The following RBFOX1 variants were observed in gnomAD, a reference collection of about 807,000 sequenced individuals.
RBFOX1 encodes RNA binding fox-1 homolog 1.
In RBFOX1, 8 loss-of-function variants were observed where a neutral mutation model predicts 57.7. That is an observed-to-expected ratio of 0.14 (90% CI 0.08 to 0.25). The LOEUF (loss-of-function observed/expected upper bound fraction) is 0.25. Ranked by LOEUF, RBFOX1 falls within the 10% of genes least tolerant of loss-of-function variation. The probability of loss-of-function intolerance (pLI) is 1.00; values close to 1 mark genes in which losing one functional copy is unlikely to be tolerated. For synonymous variants in RBFOX1, 326 were observed against 222.4 expected (o/e 1.47, Z -4.15); for missense variants, 611 against 548.5 (o/e 1.11, Z -1.14).
chr16:6,619,826 A>G lies in RBFOX1; in HGVS notation c.-63-34777A>G, dbSNP rs111749136. Among the ~76,000 whole-genome samples the G allele has an allele frequency of 2.0e-3, 302 of 151,582 alleles. 1 individual carries two copies. The highest frequency in any genetic ancestry group is 7.1e-3 in the African/African-American group (293 of 41,284). On this transcript the variant is annotated intron_variant, in intron 2 of 15. Transcript: ENST00000550418. ...CATCCAGATGGTAATCCTAGTACCCATTAGTTATTTTTCCTGATTGTCTCC... is the reference window on the plus strand; with the variant it reads ...CATCCAGATGGTAATCCTAGTACCCGTTAGTTATTTTTCCTGATTGTCTCC...
rs568918266 is a variant in RBFOX1 at position 6,909,860 on chromosome 16, C to T, written c.-15-142197C>T. ...TGGGGGTGTCTGCTCGGACCACCCTCGTGTGACTGAATTTGCCTGCATATC... is the reference window on the plus strand; with the variant it reads ...TGGGGGTGTCTGCTCGGACCACCCTTGTGTGACTGAATTTGCCTGCATATC... On this transcript the variant is annotated intron_variant, in intron 3 of 15. Coordinates refer to ENST00000550418, the MANE Select transcript of RBFOX1 (RefSeq NM_018723.4). 7.2e-5 allele frequency among the ~76,000 whole-genome samples: 11 copies of T among 152,188 alleles called. No individual in the cohort carries two copies. The South Asian group carries it at 1.5e-3, about 20-fold the overall frequency.
chr16:6,131,213 G>A (rs937415217), intron 1 of RBFOX1, among the ~76,000 whole-genome samples: 11 of 152,150 alleles, frequency 7.2e-5, no homozygotes, highest in Non-Finnish European at 1.0e-4. Context: ...GTGTTTGATC[G>A]GAGTGTTAGT....
chr16:5,553,744 T>A (rs1441005268), intron 2 of RBFOX1, among the ~76,000 whole-genome samples: 1 of 138,720 alleles, frequency 7.2e-6, no homozygotes, highest in East Asian at 1.9e-4. Flanking sequence ...TATATATGTG[T>A]GTATTTATGT....
chr16:6,910,655 C>G (rs1424733602), intron 3 of RBFOX1, among the ~76,000 whole-genome samples: 1 of 152,170 alleles, frequency 6.6e-6, no homozygotes, highest in Non-Finnish European at 1.5e-5. Flanking sequence ...CTAGAGGCCA[C>G]CTGGATTACG....
chr16:6,004,773 C>T (rs1221589786), intron 4 of RBFOX1, among the ~76,000 whole-genome samples: 2 of 152,098 alleles, frequency 1.3e-5, no homozygotes, highest in African/African-American at 2.4e-5. Flanking sequence ...TGGTGAACCT[C>T]GGAGTACTTT....
At chr16:6,066,158 G>A (rs548631312) in intron 1 of RBFOX1, among the ~76,000 whole-genome samples, 8 of 151,998 alleles carry the variant, frequency 5.3e-5, no homozygotes, top group Non-Finnish European at 1.0e-4. Flanking sequence ...GCTGGGTGTG[G>A]TGGCATGTGC....
Position 7,074,701 on chromosome 16 carries a change from T to G in RBFOX1, c.27+22603T>G, listed in dbSNP as rs547181755. Among the ~76,000 whole-genome samples the G allele has an allele frequency of 2.6e-5, 4 of 152,260 alleles. No individual in the cohort carries two copies. The South Asian group carries it at 8.3e-4, about 32-fold the overall frequency. ...AGATTTTCCAAATTTGGTGAAAACA[T>G]CAGCTTATACTCCAGAGAGCATGGG... is the stretch of plus-strand genomic sequence containing the variant. On this transcript the variant is annotated intron_variant, in intron 4 of 15. Transcript: ENST00000550418.
intron 4 of RBFOX1, among the ~76,000 whole-genome samples, chr16:7,186,149 A>G (rs2083697715): frequency 2.6e-5 from 4 of 151,666 alleles, no homozygotes; most frequent in South Asian, 4.1e-4. Flanking sequence ...CCTAGATATC[A>G]TGATACTTAT....
intron 2 of RBFOX1, among the ~76,000 whole-genome samples, chr16:6,462,859 C>CA (rs1249851978): frequency 6.6e-6 from 1 of 152,192 alleles, no homozygotes; most frequent in Non-Finnish European, 1.5e-5. Flanking sequence ...TAATTATACA[C>CA]AAAATCTTTC....
At chr16:5,374,654 C>T (rs1462527728) in intron 1 of RBFOX1, among the ~76,000 whole-genome samples, 1 of 150,706 alleles carries the variant, frequency 6.6e-6, no homozygotes, top group Non-Finnish European at 1.5e-5. Flanking sequence ...AGTCTTTGAA[C>T]ATGTTTTAAC....
At chr16:5,928,377 C>G (rs1286450639) in intron 4 of RBFOX1, among the ~76,000 whole-genome samples, 2 of 151,288 alleles carry the variant, frequency 1.3e-5, no homozygotes, top group African/African-American at 2.4e-5. Flanking sequence ...GCCACCACAC[C>G]CAGTCATGCA....
intron 3 of RBFOX1, among the ~76,000 whole-genome samples, chr16:6,849,385 C>A (rs528367465): frequency 2.0e-5 from 3 of 152,130 alleles, no homozygotes; most frequent in African/African-American, 7.2e-5. Context: ...ACTGAAAGGC[C>A]TGGCTGGGTG....
intron 11 of RBFOX1, among the ~76,000 whole-genome samples, chr16:7,644,398 A>C (rs1239103910): frequency 1.3e-5 from 2 of 152,216 alleles, no homozygotes; most frequent in African/African-American, 4.8e-5. Flanking sequence ...AATTTTGCCA[A>C]CTGCAATCAC....
At chr16:5,931,473 G>A (rs1016293361) in intron 4 of RBFOX1, among the ~76,000 whole-genome samples, 1 of 152,126 alleles carries the variant, frequency 6.6e-6, no homozygotes, top group African/African-American at 2.4e-5. Context: ...TAACAGAGAA[G>A]GAGAGTGGTT....
chr16:6,091,582 G>C (rs1011785823), intron 1 of RBFOX1, among the ~76,000 whole-genome samples: 2 of 152,156 alleles, frequency 1.3e-5, no homozygotes, highest in Non-Finnish European at 2.9e-5. Flanking sequence ...GTAATCCCAG[G>C]ACTTTTGAAG....
At chr16:6,042,455 C>T (rs138203207) in intron 1 of RBFOX1, among the ~76,000 whole-genome samples, 14 of 152,220 alleles carry the variant, frequency 9.2e-5, no homozygotes, top group East Asian at 5.8e-4. Context: ...CCAGATAGTT[C>T]GGAATCATCT....
At chr16:6,122,789 G>C (rs898584244) in intron 1 of RBFOX1, among the ~76,000 whole-genome samples, 3 of 125,870 alleles carry the variant, frequency 2.4e-5, no homozygotes, top group African/African-American at 9.8e-5. Flanking sequence ...GATCTGTGTG[G>C]CTATGTGTGT....
intron 4 of RBFOX1, among the ~76,000 whole-genome samples, chr16:7,088,092 A>G (rs1218653913): frequency 6.6e-6 from 1 of 152,144 alleles, no homozygotes; most frequent in Admixed American, 6.5e-5. Flanking sequence ...TTAAGCTGCA[A>G]TTTTATTTTC....
At chr16:7,233,380 C>T (rs1389334284) in intron 4 of RBFOX1, among the ~76,000 whole-genome samples, 1 of 152,198 alleles carries the variant, frequency 6.6e-6, no homozygotes, top group Non-Finnish European at 1.5e-5. Context: ...GCTTCCAAGT[C>T]CTGATCACCA....
Sources: gnomAD v4.1 joint callset for allele counts (sites outside exome capture counted in the v4.1 genomes callset) on GRCh38, gnomAD v4.1.1 for gene constraint, MANE v1.5 for transcripts, NCBI Gene and HGNC (gene_info 2026-07-23, HGNC 2026-07-21) for gene names.